Variants in LHFPL2 observed in about 807,000 individuals in gnomAD.
The protein encoded by LHFPL2 is LHFPL tetraspan subfamily member 2 protein.
LHFPL2 carries 7 observed loss-of-function variants against 17.5 expected under a neutral mutation model. That is an observed-to-expected ratio of 0.40 (90% CI 0.23 to 0.75). The LOEUF (loss-of-function observed/expected upper bound fraction) is 0.75. Ranked by LOEUF, LHFPL2 falls within the 30% of genes least tolerant of loss-of-function variation. LHFPL2 has a pLI of 0.37. For missense variants in LHFPL2, 241 were observed against 294.8 expected (o/e 0.82, Z 1.34); for synonymous variants, 134 against 116.2 (o/e 1.15, Z -0.99).
intron 2 of LHFPL2, among the ~76,000 whole-genome samples, chr5:78,586,110 A>G (rs1001030745): frequency 1.3e-5 from 2 of 152,238 alleles, no homozygotes; most frequent in Admixed American, 1.3e-4. Context: ...TTGGAAATGT[A>G]ATGAACTAAT....
chr5:78,510,125 C>T lies in LHFPL2; in HGVS notation c.89G>A (p.Ser30Asn), dbSNP rs1372696961. The change falls in exon 4 of 5, where the codon AGT (serine) becomes AAT (asparagine). Residue 30 changes from serine to asparagine, a missense_variant. Physicochemically the swap from Ser to Asn is conservative, Grantham distance 46. Coordinates refer to ENST00000380345, the MANE Select transcript of LHFPL2 (RefSeq NM_005779.3). ...VAFAELIAFM[S>N]ADWLIGKARS... ...CGCTTTCCCGATCAGCCAGTCTGCACTCATGAAGGCAATGAGCTCGGCAAA... is the reference window on the plus strand; with the variant it reads ...CGCTTTCCCGATCAGCCAGTCTGCATTCATGAAGGCAATGAGCTCGGCAAA... The T allele has an allele frequency of 1.2e-6, 2 of 1,613,250 alleles. No homozygotes were observed. The highest frequency in any genetic ancestry group is 1.7e-6 in the Non-Finnish European group (2 of 1,179,506).
At chr5:78,589,818 G>C (rs1743562106) in intron 2 of LHFPL2, among the ~76,000 whole-genome samples, 2 of 152,344 alleles carry the variant, frequency 1.3e-5, no homozygotes, top group South Asian at 4.1e-4. Context: ...GCCCAGTCCA[G>C]AGCAGGACAC....
At chr5:78,529,550 A>G (rs1252595852) in intron 3 of LHFPL2, among the ~76,000 whole-genome samples, 3 of 152,184 alleles carry the variant, frequency 2.0e-5, no homozygotes, top group Admixed American at 1.3e-4. Context: ...CAAGGCTGGC[A>G]TGTAGCATAC....
chr5:78,526,905 A>G (rs1755636231), intron 3 of LHFPL2, among the ~76,000 whole-genome samples: 1 of 152,204 alleles, frequency 6.6e-6, no homozygotes, highest in South Asian at 2.1e-4. Flanking sequence ...CAAGATAAAA[A>G]CATCCATAGC....
At chr5:78,491,689 G>C (rs1391834262) in intron 4 of LHFPL2, among the ~76,000 whole-genome samples, 1 of 152,148 alleles carries the variant, frequency 6.6e-6, no homozygotes, top group Admixed American at 6.5e-5. Context: ...ACCGACATAC[G>C]ATTCCTCACC....
At chr5:78,589,904 G>C (rs1743566946) in intron 2 of LHFPL2, among the ~76,000 whole-genome samples, 1 of 152,208 alleles carries the variant, frequency 6.6e-6, no homozygotes, top group African/African-American at 2.4e-5. Context: ...TGGTTCATTT[G>C]ACAATTATTG....
intron 3 of LHFPL2, among the ~76,000 whole-genome samples, chr5:78,530,023 C>T (rs1313021793): frequency 6.6e-6 from 1 of 152,114 alleles, no homozygotes; most frequent in Non-Finnish European, 1.5e-5. Context: ...TAAACTAGTT[C>T]CCAGAACAGA....
At chr5:78,602,396 AAGGAATAC>A (rs1315488719) in intron 2 of LHFPL2, among the ~76,000 whole-genome samples, 8 of 152,226 alleles carry the variant, frequency 5.3e-5, no homozygotes, top group Non-Finnish European at 1.0e-4. Context: ...TTATTAAGCT[AAGGAATAC>A]AGGATTGAAA....
At position 78,637,273 on chromosome 5, in the gene LHFPL2, G is replaced by A. The variant is rs182344545; in HGVS notation, c.-349-4905C>T. On this transcript the variant is annotated intron_variant, in intron 1 of 4. Transcript: ENST00000380345. The stretch of plus-strand genomic sequence containing the variant: ...AGCTTTGTAATCGCATAACCTTGAA[G>A]TTATAGGGTATGTGGGAAAATGCAG... Among the ~76,000 whole-genome samples, 164 of 151,906 alleles carry A rather than the reference G, an allele frequency of 1.1e-3. 1 individual carries two copies. Among genetic ancestry groups the A allele is most frequent in the African/African-American group, 3.7e-3 (155 of 41,440 alleles).
Position 78,485,407 on chromosome 5 carries a change from T to A in LHFPL2, c.*3490A>T, listed in dbSNP as rs960560479. ...CTGTAAATACAATTTTATATTTGGC[T>A]CAAGTGGCTGTTGAATATCAAGTGG... On this transcript the variant is annotated 3_prime_UTR_variant, in exon 5 of 5. Transcript: ENST00000380345. 6.6e-6 allele frequency: 1 copy of A among 152,642 alleles called. No homozygotes were observed. The highest frequency in any genetic ancestry group is 2.4e-5 in the African/African-American group (1 of 41,462). The allele number at this position is 152,642 out of a possible 1,614,324, so 9.5% of individuals were successfully genotyped here.
At chr5:78,498,272 GTGT>G (rs1754669375) in intron 4 of LHFPL2, among the ~76,000 whole-genome samples, 1 of 152,186 alleles carries the variant, frequency 6.6e-6, no homozygotes, top group Non-Finnish European at 1.5e-5. Flanking sequence ...CAGGGTGGGG[GTGT>G]GTTTTTCTGT....
chr5:78,518,997 C>T (rs1030107723), intron 3 of LHFPL2, among the ~76,000 whole-genome samples: 2 of 152,048 alleles, frequency 1.3e-5, no homozygotes, highest in African/African-American at 4.8e-5. Context: ...ACTCCCTGTT[C>T]CCCAGGTGCT....
intron 2 of LHFPL2, among the ~76,000 whole-genome samples, chr5:78,597,841 A>G (rs371166929): frequency 6.6e-6 from 1 of 152,176 alleles, no homozygotes; most frequent in Non-Finnish European, 1.5e-5. Flanking sequence ...CTGAATTAGT[A>G]TCTTCATATG....
At chr5:78,585,592 C>T (rs1490242504) in intron 2 of LHFPL2, among the ~76,000 whole-genome samples, 1 of 152,124 alleles carries the variant, frequency 6.6e-6, no homozygotes, top group Non-Finnish European at 1.5e-5. Context: ...CTGGGAGCTG[C>T]ATACTGGAGT....
At chr5:78,572,879 A>G (rs1444502476) in intron 2 of LHFPL2, among the ~76,000 whole-genome samples, 1 of 152,152 alleles carries the variant, frequency 6.6e-6, no homozygotes, top group East Asian at 1.9e-4. Context: ...TCCACCTTAG[A>G]TCATCAGGCA....
intron 4 of LHFPL2, among the ~76,000 whole-genome samples, chr5:78,507,935 C>T (rs1754979979): frequency 1.1e-5 from 1 of 91,442 alleles, no homozygotes; most frequent in African/African-American, 4.9e-5. Flanking sequence ...AAGATATACA[C>T]ATGCATACAC....
intron 3 of LHFPL2, among the ~76,000 whole-genome samples, chr5:78,520,579 C>T (rs964656741): frequency 6.6e-6 from 1 of 152,222 alleles, no homozygotes; most frequent in Admixed American, 6.5e-5. Context: ...GACGGGGAGA[C>T]CCCACAGGTT....
chr5:78,636,893 A>AC (rs1745465249), intron 1 of LHFPL2, among the ~76,000 whole-genome samples: 1 of 152,168 alleles, frequency 6.6e-6, no homozygotes, highest in African/African-American at 2.4e-5. Flanking sequence ...ATGTATTAAG[A>AC]TAAAAAGTGA....
intron 2 of LHFPL2, among the ~76,000 whole-genome samples, chr5:78,582,847 C>T (rs575994808): frequency 9.2e-5 from 14 of 152,192 alleles, no homozygotes; most frequent in African/African-American, 3.4e-4. Flanking sequence ...TCCTTGTTGA[C>T]TTTCTGTCTC....
Sources: allele counts gnomAD v4.1 joint callset (sites outside exome capture counted in the v4.1 genomes callset), GRCh38; gene constraint gnomAD v4.1.1; transcripts MANE v1.5; gene names NCBI Gene and HGNC (gene_info 2026-07-23, HGNC 2026-07-21).